RUNX2: variants seen among roughly 807,000 people sequenced by gnomAD.
The protein encoded by RUNX2 is RUNX family transcription factor 2.
A neutral mutation model predicts 51.7 loss-of-function variants in RUNX2; 10 were observed. The ratio of observed to expected loss-of-function variants is 0.19; its 90% CI spans 0.12 to 0.33. RUNX2 has a LOEUF of 0.33. RUNX2 is among the 10% of genes least tolerant of loss of function. The probability of loss-of-function intolerance (pLI) is 1.00; values close to 1 mark genes in which losing one functional copy is unlikely to be tolerated. For missense variants in RUNX2, 562 were observed against 691.3 expected (o/e 0.81, Z 2.10); for synonymous variants, 276 against 273.6 (o/e 1.01, Z -0.09).
At chr6:45,531,421 A>T (rs960576105) in intron 7 of RUNX2, among the ~76,000 whole-genome samples, 1 of 152,220 alleles carries the variant, frequency 6.6e-6, no homozygotes, top group African/African-American at 2.4e-5. Flanking sequence ...CATAAATTTT[A>T]TTCTAGAAAT....
intron 2 of RUNX2, chr6:45,372,066 A>G (rs1482248672): frequency 2.1e-6 from 2 of 942,812 alleles, no homozygotes; most frequent in Non-Finnish European, 2.5e-6. Flanking sequence ...GGCCTCCACA[A>G]TGTGTATGTC....
At position 45,546,854 on chromosome 6, in the gene RUNX2, A is replaced by G; in HGVS notation, c.1115A>G (p.Asp372Gly). ...AGASELGPFS[D>G]PRQFPSISSL... ...GCTTCAGAACTGGGCCCTTTTTCAG[A>G]CCCCAGGCAGTTCCCAAGCATTTCA... Residue 372 changes from aspartate to glycine, a missense_variant, in exon 9 of 9, where the codon GAC (aspartate) becomes GGC (glycine). Transcript: ENST00000647337. The G allele has an allele frequency of 3.1e-6, 5 of 1,613,090 alleles. No homozygotes were observed. The highest frequency in any genetic ancestry group is 4.2e-6 in the Non-Finnish European group (5 of 1,179,782).
At chr6:45,466,767 A>G (rs1799641069) in intron 5 of RUNX2, among the ~76,000 whole-genome samples, 1 of 152,226 alleles carries the variant, frequency 6.6e-6, no homozygotes, top group Admixed American at 6.5e-5. Context: ...TTTCTTAACC[A>G]GTGTAATTTG....
chr6:45,407,963 G>C (rs1352284240), intron 2 of RUNX2, among the ~76,000 whole-genome samples: 1 of 152,000 alleles, frequency 6.6e-6, no homozygotes, highest in Non-Finnish European at 1.5e-5. Context: ...AATTCTTCTG[G>C]TTTGAGTTAT....
chr6:45,368,879 G>A (rs1795581611), intron 2 of RUNX2, among the ~76,000 whole-genome samples: 1 of 151,718 alleles, frequency 6.6e-6, no homozygotes. Context: ...AACAATTATG[G>A]TTAAGCCAAC....
chr6:45,490,332 C>T (rs1800425315), intron 5 of RUNX2, among the ~76,000 whole-genome samples: 1 of 152,146 alleles, frequency 6.6e-6, no homozygotes, highest in African/African-American at 2.4e-5. Flanking sequence ...AGGTCTAGTC[C>T]TTCTGTTATA....
intron 7 of RUNX2, among the ~76,000 whole-genome samples, chr6:45,537,390 A>G (rs1031371089): frequency 6.6e-5 from 10 of 152,208 alleles, no homozygotes; most frequent in African/African-American, 2.4e-4. Flanking sequence ...CAAAGCCCCC[A>G]CAAGTCTGGG....
intron 2 of RUNX2, among the ~76,000 whole-genome samples, chr6:45,360,582 C>T (rs1794079599): frequency 6.6e-6 from 1 of 152,150 alleles, no homozygotes; most frequent in Admixed American, 6.5e-5. Flanking sequence ...TCTTTCACAG[C>T]TCATATCTTC....
chr6:45,468,210 A>G (rs1264867655), intron 5 of RUNX2, among the ~76,000 whole-genome samples: 2 of 152,266 alleles, frequency 1.3e-5, no homozygotes, highest in Non-Finnish European at 2.9e-5. Flanking sequence ...CGAATACTCA[A>G]TAATCTCTCT....
chr6:45,494,012 G>A (rs956187603), intron 6 of RUNX2, among the ~76,000 whole-genome samples: 2 of 152,136 alleles, frequency 1.3e-5, no homozygotes, highest in African/African-American at 2.4e-5. Context: ...TTCTCTCAAG[G>A]CTTTGTCCTT....
intron 7 of RUNX2, among the ~76,000 whole-genome samples, chr6:45,521,355 C>T (rs977906600): frequency 1.1e-4 from 16 of 152,196 alleles, no homozygotes; most frequent in African/African-American, 3.9e-4. Context: ...ATTTTTATCT[C>T]CAAGTCTTTT....
At chr6:45,425,924 GAA>G (rs1231220543) in intron 3 of RUNX2, among the ~76,000 whole-genome samples, 5 of 152,024 alleles carry the variant, frequency 3.3e-5, no homozygotes, top group Non-Finnish European at 7.4e-5. Context: ...TATTTGTTGT[GAA>G]GTCTGATATT....
rs948397401 is a variant in RUNX2 at position 45,547,657 on chromosome 6, A to G, written c.*352A>G. ...ATGCCAATTCAGAGAGGTGGACTCCAGGTTCAGGAGGGAGAAGAGCAAAGC... is the reference window on the plus strand; with the variant it reads ...ATGCCAATTCAGAGAGGTGGACTCCGGGTTCAGGAGGGAGAAGAGCAAAGC... On this transcript the variant is annotated 3_prime_UTR_variant, in exon 9 of 9. Coordinates refer to ENST00000647337, the MANE Select transcript of RUNX2 (RefSeq NM_001024630.4). The G allele has an allele frequency of 9.2e-6, 3 of 324,688 alleles. No individual in the cohort carries two copies. The highest frequency in any genetic ancestry group is 6.5e-5 in the African/African-American group (3 of 46,082). The allele number at this position is 324,688 out of a possible 1,614,324, so 20.1% of individuals were successfully genotyped here. A position where few individuals can be genotyped will look rare whatever the true frequency, so the allele number is the denominator to read the frequency against.
intron 7 of RUNX2, among the ~76,000 whole-genome samples, chr6:45,544,242 C>T (rs551742885): frequency 1.3e-4 from 20 of 152,118 alleles, no homozygotes; most frequent in African/African-American, 2.9e-4. Flanking sequence ...TAAACCATAA[C>T]CAGAGCTCAT....
chr6:45,342,169 G>A (rs1789914298), intron 2 of RUNX2, among the ~76,000 whole-genome samples: 1 of 152,034 alleles, frequency 6.6e-6, no homozygotes, highest in South Asian at 2.1e-4. Flanking sequence ...GAGGAAAATA[G>A]GAAAGGGTTT....
In RUNX2 at chr6:45,409,804, C is replaced by T. The variant is rs571309195; in HGVS notation, c.59-12789C>T. On this transcript the variant is annotated intron_variant, in intron 2 of 8. Coordinates refer to ENST00000647337, the MANE Select transcript of RUNX2 (RefSeq NM_001024630.4). ...CAAGCATTGATTGACACTTATTTCA[C>T]TCTTGGCATTATGCTAAATGCTGAG... is the stretch of plus-strand genomic sequence containing the variant. Among the ~76,000 whole-genome samples, 77 of 152,260 alleles carry T rather than the reference C, an allele frequency of 5.1e-4. No homozygotes were observed. In the South Asian group the frequency reaches 0.011, roughly 23 times the overall value.
At chr6:45,517,046 G>A (rs907202385) in intron 7 of RUNX2, among the ~76,000 whole-genome samples, 4 of 152,080 alleles carry the variant, frequency 2.6e-5, no homozygotes, top group African/African-American at 9.7e-5. Flanking sequence ...GCATAATGAA[G>A]TAGAAGGGAT....
intron 4 of RUNX2, among the ~76,000 whole-genome samples, chr6:45,435,161 G>C (rs1015014966): frequency 3.3e-5 from 5 of 152,030 alleles, no homozygotes; most frequent in African/African-American, 1.2e-4. Flanking sequence ...TTTTTATAGA[G>C]AACTCATTCT....
intron 2 of RUNX2, among the ~76,000 whole-genome samples, chr6:45,376,924 T>G (rs569842699): frequency 1.3e-5 from 2 of 151,870 alleles, no homozygotes; most frequent in Admixed American, 6.5e-5. Flanking sequence ...CACACATTTC[T>G]TTCTACCGAA....
Sources: gnomAD v4.1 joint callset for allele counts (sites outside exome capture counted in the v4.1 genomes callset) on GRCh38, gnomAD v4.1.1 for gene constraint, MANE v1.5 for transcripts, NCBI Gene and HGNC (gene_info 2026-07-23, HGNC 2026-07-21) for gene names.